Variants in DRC11 observed in about 807,000 individuals in gnomAD.
DRC11 encodes the protein IQ and AAA domain-containing protein 1.
the DRC11 span, among the ~76,000 whole-genome samples, chr2:236,414,939 C>T: frequency 2.0e-5 from 3 of 152,160 alleles, no homozygotes; most frequent in Non-Finnish European, 2.9e-5. Flanking sequence ...TGGAAATTCA[C>T]ACAGAAACAC....
chr2:236,342,022 G>A, the DRC11 span, among the ~76,000 whole-genome samples: 17 of 152,292 alleles, frequency 1.1e-4, no homozygotes, highest in South Asian at 2.1e-4. The surrounding 1 kb of genome is among the most constrained non-coding windows in gnomAD (Gnocchi z 5.8). Flanking sequence ...TTCCATGCTC[G>A]GGTGGCGTCA....
the DRC11 span, among the ~76,000 whole-genome samples, chr2:236,343,030 C>T: frequency 7.2e-5 from 11 of 152,246 alleles, no homozygotes; most frequent in Non-Finnish European, 1.2e-4. This position sits in a 1 kb window ranked among gnomAD's most constrained non-coding sequence, Gnocchi z 6.6. Context: ...TTGCGGGAAT[C>T]GGGGATGGTG....
the DRC11 span, among the ~76,000 whole-genome samples, chr2:236,338,926 C>A: frequency 6.6e-6 from 1 of 152,176 alleles, no homozygotes; most frequent in African/African-American, 2.4e-5. Flanking sequence ...GAGGAATGAG[C>A]GAGAACAGGC....
chr2:236,481,809 T>C, the DRC11 span, among the ~76,000 whole-genome samples: 645 of 151,674 alleles, frequency 4.3e-3, 7 homozygotes, highest in African/African-American at 0.015. Flanking sequence ...GTATTTACAC[T>C]TTAGTTGAAA....
the DRC11 span, among the ~76,000 whole-genome samples, chr2:236,358,177 A>G: frequency 1.7e-5 from 2 of 120,866 alleles, no homozygotes; most frequent in African/African-American, 6.6e-5. Context: ...TATAATATAT[A>G]TACTCTATGA....
the DRC11 span, chr2:236,409,016 C>A: frequency 3.0e-6 from 2 of 663,542 alleles, no homozygotes; most frequent in Admixed American, 2.4e-5. Context: ...GCGTGCTGTG[C>A]ACTTCCGAGG....
the DRC11 span, among the ~76,000 whole-genome samples, chr2:236,349,894 A>G: frequency 2.0e-5 from 3 of 152,152 alleles, no homozygotes; most frequent in East Asian, 1.9e-4. The surrounding 1 kb of genome is among the most constrained non-coding windows in gnomAD (Gnocchi z 5.5). Context: ...AAAAACAAAA[A>G]CAAAAGCAAC....
chr2:236,459,621 A>G, the DRC11 span, among the ~76,000 whole-genome samples: 2 of 138,280 alleles, frequency 1.4e-5, no homozygotes, highest in African/African-American at 2.8e-5. Context: ...ATATAAGTAT[A>G]TACATACGTA....
At chr2:236,487,566 C>T in the DRC11 span, among the ~76,000 whole-genome samples, 18 of 152,056 alleles carry the variant, frequency 1.2e-4, no homozygotes, top group Non-Finnish European at 1.6e-4. Flanking sequence ...GAAAACCTTA[C>T]GGATTCCTTC....
At chr2:236,467,063 C>T in the DRC11 span, among the ~76,000 whole-genome samples, 1 of 152,002 alleles carries the variant, frequency 6.6e-6, no homozygotes, top group Non-Finnish European at 1.5e-5. Context: ...AATTGTTGTT[C>T]CTTTGCAAAT....
chr2:236,331,645 AT>A, the DRC11 span: 1 of 1,393,920 alleles, frequency 7.2e-7, no homozygotes, highest in Non-Finnish European at 1.0e-6. The surrounding 1 kb of genome is among the most constrained non-coding windows in gnomAD (Gnocchi z 4.8). Context: ...CCACAGAGAA[AT>A]CAGTGCCAGT....
the DRC11 span, chr2:236,399,593 C>CCAGGA: frequency 4.6e-6 from 4 of 861,288 alleles, no homozygotes; most frequent in South Asian, 1.5e-5. This position sits in a 1 kb window ranked among gnomAD's most constrained non-coding sequence, Gnocchi z 7.0. Context: ...CAGGCCCAGT[C>CCAGGA]CTGGTCCCCC....
At chr2:236,392,399 G>C in the DRC11 span, 1 of 1,019,150 alleles carries the variant, frequency 9.8e-7, no homozygotes, top group East Asian at 2.6e-5. The surrounding 1 kb of genome is among the most constrained non-coding windows in gnomAD (Gnocchi z 5.1). Flanking sequence ...ATTTTAAAAA[G>C]ATATAGGTTA....
At chr2:236,351,275 G>A in the DRC11 span, among the ~76,000 whole-genome samples, 6 of 152,310 alleles carry the variant, frequency 3.9e-5, no homozygotes, top group South Asian at 1.0e-3. The surrounding 1 kb of genome is among the most constrained non-coding windows in gnomAD (Gnocchi z 7.3). Flanking sequence ...GGAAATCAGG[G>A]TGTCAGTGAG....
the DRC11 span, among the ~76,000 whole-genome samples, chr2:236,323,710 GA>G: frequency 6.6e-6 from 1 of 152,294 alleles, no homozygotes; most frequent in African/African-American, 2.4e-5. This position sits in a 1 kb window ranked among gnomAD's most constrained non-coding sequence, Gnocchi z 6.4. Context: ...CAAACTGTCA[GA>G]CAAGGTATTC....
the DRC11 span, among the ~76,000 whole-genome samples, chr2:236,365,424 T>G: frequency 9.1e-3 from 1,375 of 151,748 alleles, 9 homozygotes; most frequent in Non-Finnish European, 0.016. This position sits in a 1 kb window ranked among gnomAD's most constrained non-coding sequence, Gnocchi z 7.4. Context: ...GCAGGCTTCA[T>G]GTGGGGCCGG....
the DRC11 span, among the ~76,000 whole-genome samples, chr2:236,350,643 G>A: frequency 1.3e-5 from 2 of 152,236 alleles, no homozygotes; most frequent in Non-Finnish European, 2.9e-5. This position sits in a 1 kb window ranked among gnomAD's most constrained non-coding sequence, Gnocchi z 5.2. Context: ...GTGGGAGCGG[G>A]ACCTGGGTCT....
At chr2:236,458,739 C>T in the DRC11 span, among the ~76,000 whole-genome samples, 1 of 151,846 alleles carries the variant, frequency 6.6e-6, no homozygotes, top group African/African-American at 2.4e-5. Flanking sequence ...TTCTGGCTTT[C>T]CTATAAGTCA....
chr2:236,440,071 C>A, the DRC11 span, among the ~76,000 whole-genome samples: 4 of 152,048 alleles, frequency 2.6e-5, no homozygotes, highest in African/African-American at 9.7e-5. Flanking sequence ...TTTATATATG[C>A]AAATTAAAAG....
Sources: allele counts gnomAD v4.1 joint callset (sites outside exome capture counted in the v4.1 genomes callset), GRCh38; gene constraint gnomAD v4.1.1; non-coding constraint Gnocchi (gnomAD v3.1); transcripts MANE v1.5; gene names NCBI Gene and HGNC (gene_info 2026-07-23, HGNC 2026-07-21).